Variants in EIF2B1 observed in about 807,000 individuals in gnomAD.
EIF2B1 encodes eukaryotic translation initiation factor 2B subunit alpha, also known as translation initiation factor eIF2B subunit alpha.
Under a neutral mutation model 36.8 loss-of-function variants are expected in EIF2B1, and 30 were observed. That is an observed-to-expected ratio of 0.81 (90% CI 0.61 to 1.10). EIF2B1 has a LOEUF of 1.10. Ranked by LOEUF, EIF2B1 falls within the 50% of genes least tolerant of loss-of-function variation. The pLI is 0.00. For synonymous variants in EIF2B1, 139 were observed against 142.2 expected, an observed-to-expected ratio of 0.98 and a Z score of 0.16; for missense variants, 271 against 374.8, an observed-to-expected ratio of 0.72 and a Z score of 2.29.
At position 123,630,205 on chromosome 12, in the gene EIF2B1, A is replaced by G. The variant is rs765287085; in HGVS notation, c.333T>C (p.Ile111=). The change falls in exon 4 of 9, where the codon ATT becomes ATC. Residue 111 remains isoleucine (I), a synonymous_variant. Transcript: ENST00000424014. The surrounding 1 kb of genome is among the most constrained non-coding windows in gnomAD (Gnocchi z 4.6). The stretch of plus-strand genomic sequence containing the variant: ...TGATGAAAGTATGGCACAGATCTGC[A>G]ATTTTGTTTCTTGACAGTGATATTC... ...LRRISLSRNK[I]ADLCHTFIKD... 12 of 1,614,036 alleles carry G rather than the reference A, an allele frequency of 7.4e-6. 2 individuals carry two copies. The South Asian group carries it at 1.3e-4, about 18-fold the overall frequency.
chr12:123,630,179 T>G lies in EIF2B1; in HGVS notation c.359A>C (p.Lys120Thr). The G allele has an allele frequency of 6.2e-7, 1 of 1,613,814 alleles. No homozygotes were observed. The change falls in exon 4 of 9, where the codon AAA (lysine) becomes ACA (threonine). Residue 120 changes from lysine (K) to threonine (T), a missense_variant. Transcript: ENST00000424014. This position sits in a 1 kb window ranked among gnomAD's most constrained non-coding sequence, Gnocchi z 4.6. ...KIADLCHTFIKDGATILTHAY... is the reference protein window; with the variant it reads ...KIADLCHTFITDGATILTHAY... ...TGATTATCCACTCACCGCTCCATCT[T>G]TGATGAAAGTATGGCACAGATCTGC... is the stretch of plus-strand genomic sequence containing the variant.
chr12:123,632,598 T>C (rs1341202265), intron 1 of EIF2B1, 152 bp from the exon 2 acceptor site: 2 of 671,998 alleles, frequency 3.0e-6, no homozygotes, highest in East Asian at 2.7e-5. Context: ...TAAATGTTGA[T>C]GGGAATAGAG....
Position 123,630,298 on chromosome 12 carries a change from G to A in EIF2B1, c.253-13C>T. 1 of 1,614,096 alleles carries A rather than the reference G, an allele frequency of 6.2e-7. No individual in the cohort carries two copies. The highest frequency in any genetic ancestry group is 8.5e-7 in the Non-Finnish European group (1 of 1,179,958). ...ATTTGGAGTAATCCTAGGAAGAAAA[G>A]AGCAAACTGAGGGGACAGGGAAGAT... On this transcript the variant is annotated splice_polypyrimidine_tract_variant and intron_variant, in intron 3 of 8. Transcript: ENST00000424014. This position sits in a 1 kb window ranked among gnomAD's most constrained non-coding sequence, Gnocchi z 4.6.
chr12:123,622,470 T>G (rs1243914681), intron 8 of EIF2B1, among the ~76,000 whole-genome samples, 166 bp downstream of exon 8: 1 of 152,178 alleles, frequency 6.6e-6, no homozygotes, highest in Non-Finnish European at 1.5e-5. Context: ...AGACTGAAGT[T>G]CTAGGGACAA....
At chr12:123,628,351 CTTTT>C (rs958119194) in intron 4 of EIF2B1, among the ~76,000 whole-genome samples, 2 of 74,956 alleles carry the variant, frequency 2.7e-5, no homozygotes, top group Admixed American at 3.1e-4. Flanking sequence ...CCCATAACCT[CTTTT>C]TTTTTTTTTT....
At chr12:123,632,945 C>CAAAAAAAAAA (rs4040224) in intron 1 of EIF2B1, among the ~76,000 whole-genome samples, 2 of 75,118 alleles carry the variant, frequency 2.7e-5, no homozygotes, top group Admixed American at 1.7e-4. Flanking sequence ...GACTCCGTCT[C>CAAAAAAAAAA]AAAAAAAAAA....
chr12:123,623,897 G>A (rs1955127280), intron 7 of EIF2B1, among the ~76,000 whole-genome samples: 1 of 152,030 alleles, frequency 6.6e-6, no homozygotes, highest in Admixed American at 6.6e-5. Context: ...CAAATGACAG[G>A]CCGGCCACAG....
intron 2 of EIF2B1, among the ~76,000 whole-genome samples, chr12:123,632,098 T>C (rs1318089617): frequency 6.6e-6 from 1 of 151,714 alleles, no homozygotes; most frequent in Non-Finnish European, 1.5e-5. Context: ...GGTGAAACCC[T>C]GTCTCTAAAA....
chr12:123,625,237 G>C (rs1174162263), intron 6 of EIF2B1, among the ~76,000 whole-genome samples: 2 of 152,098 alleles, frequency 1.3e-5, no homozygotes, highest in Non-Finnish European at 2.9e-5. Flanking sequence ...TTGGACAAAA[G>C]TGTTATGCAG....
Position 123,627,481 on chromosome 12 carries a change from C to T in EIF2B1, c.370-325G>A, listed in dbSNP as rs116921533. On this transcript the variant is annotated intron_variant, in intron 4 of 8. Coordinates refer to ENST00000424014, the MANE Select transcript of EIF2B1 (RefSeq NM_001414.4). ...CTATTTCTAAGACATGGTTTGCACA[C>T]GCAGGCCTACAGGAACCAAGTAGGT... Among the ~76,000 whole-genome samples, 924 of 152,294 alleles carry T rather than the reference C, an allele frequency of 6.1e-3. 4 individuals carry two copies. Among genetic ancestry groups the T allele is most frequent in the Non-Finnish European group, 9.6e-3 (652 of 68,034 alleles).
chr12:123,630,306 T>G lies in EIF2B1; in HGVS notation c.253-21A>C. ...TAATCCTAGGAAGAAAAGAGCAAACTGAGGGGACAGGGAAGATCCAGTTAA... is the reference window on the plus strand; with the variant it reads ...TAATCCTAGGAAGAAAAGAGCAAACGGAGGGGACAGGGAAGATCCAGTTAA... On this transcript the variant is annotated intron_variant, in intron 3 of 8. Transcript: ENST00000424014. This position sits in a 1 kb window ranked among gnomAD's most constrained non-coding sequence, Gnocchi z 4.6. 1 of 1,614,050 alleles carries G rather than the reference T, an allele frequency of 6.2e-7. No homozygotes were observed. The highest frequency in any genetic ancestry group is 8.5e-7 in the Non-Finnish European group (1 of 1,179,930).
intron 7 of EIF2B1, 69 bp from the exon 8 acceptor site, chr12:123,622,830 G>C: frequency 6.2e-7 from 1 of 1,603,746 alleles, no homozygotes; most frequent in Middle Eastern, 1.7e-4. Context: ...AGAAAAGCGG[G>C]CCGGGCACAG....
rs775140578 is a variant in EIF2B1, at chr12:123,627,041, T to C, written c.482+3A>G. On this transcript the variant is annotated splice_donor_region_variant and intron_variant, in intron 5 of 8. Coordinates refer to ENST00000424014, the MANE Select transcript of EIF2B1 (RefSeq NM_001414.4). ...GCACATAACTGAACAGAAAGGTACTTGCCCTGACAAATCAGGCTGTGACTC... is the reference window on the plus strand; with the variant it reads ...GCACATAACTGAACAGAAAGGTACTCGCCCTGACAAATCAGGCTGTGACTC... The C allele has an allele frequency of 8.1e-6, 13 of 1,613,468 alleles. No individual in the cohort carries two copies. The highest frequency in any genetic ancestry group is 1.0e-5 in the Non-Finnish European group (12 of 1,179,462).
At chr12:123,624,299 C>T (rs1293892389) in intron 7 of EIF2B1, among the ~76,000 whole-genome samples, 3 of 143,820 alleles carry the variant, frequency 2.1e-5, no homozygotes, top group Non-Finnish European at 4.5e-5. Flanking sequence ...CTCACCATCG[C>T]CCAGGCTGGA....
At chr12:123,624,089 T>G (rs750831943) in intron 7 of EIF2B1, among the ~76,000 whole-genome samples, 3 of 148,800 alleles carry the variant, frequency 2.0e-5, no homozygotes, top group African/African-American at 4.9e-5. Context: ...TATACATACA[T>G]ACTTTATATG....
At position 123,620,411 on chromosome 12, in the gene EIF2B1, G is replaced by A. The variant is rs1276742401; in HGVS notation, c.*1345C>T. Reference sequence around the variant, plus strand: ...AGGCAGGAGGATCACTTGAGCCCAGGAGTTCAAGACCAGCCTGGGAACACA... The same window carrying A: ...AGGCAGGAGGATCACTTGAGCCCAGAAGTTCAAGACCAGCCTGGGAACACA... On this transcript the variant is annotated 3_prime_UTR_variant, in exon 9 of 9. Transcript: ENST00000424014. 4.1e-6 allele frequency: 1 copy of A among 244,312 alleles called. No homozygotes were observed. Among genetic ancestry groups the A allele is most frequent in the African/African-American group, 2.2e-5 (1 of 44,990 alleles). The allele number at this position is 244,312 out of a possible 1,614,324, so 15.1% of individuals were successfully genotyped here.
At chr12:123,624,991 C>T (rs953417176) in intron 6 of EIF2B1, 129 bp from the exon 7 acceptor site, 27 of 817,258 alleles carry the variant, frequency 3.3e-5, no homozygotes, top group East Asian at 1.1e-4. Flanking sequence ...TTTTTTAAAG[C>T]GCACTTAACA....
At position 123,630,192 on chromosome 12, in the gene EIF2B1, G is replaced by C. The variant is rs1955177667; in HGVS notation, c.346C>G (p.His116Asp). ...LSRNKIADLC[H>D]TFIKDGATIL... ...ACCGCTCCATCTTTGATGAAAGTAT[G>C]GCACAGATCTGCAATTTTGTTTCTT... The change falls in exon 4 of 9, where the codon CAT becomes GAT. Residue 116 changes from histidine (H) to aspartate (D), a missense_variant. Physicochemically the swap from His to Asp is moderately conservative, Grantham distance 81. Coordinates refer to ENST00000424014, the MANE Select transcript of EIF2B1 (RefSeq NM_001414.4). The surrounding 1 kb of genome is among the most constrained non-coding windows in gnomAD (Gnocchi z 4.6). The C allele has an allele frequency of 2.5e-6, 4 of 1,613,934 alleles. No homozygotes were observed. The highest frequency in any genetic ancestry group is 3.4e-6 in the Non-Finnish European group (4 of 1,179,978).
intron 1 of EIF2B1, 55 bp downstream of exon 1, chr12:123,633,490 G>A (rs1214125565): frequency 1.9e-6 from 3 of 1,613,048 alleles, no homozygotes; most frequent in Non-Finnish European, 2.5e-6. Flanking sequence ...AGAGGTTGGG[G>A]GGACCCCTGA....
Sources: allele counts gnomAD v4.1 joint callset (sites outside exome capture counted in the v4.1 genomes callset), GRCh38; gene constraint gnomAD v4.1.1; non-coding constraint Gnocchi (gnomAD v3.1); transcripts MANE v1.5; gene names NCBI Gene and HGNC (gene_info 2026-07-23, HGNC 2026-07-21).